Variants in PCDH9 observed in about 807,000 individuals in gnomAD.
PCDH9 encodes the protein protocadherin 9, also known as protocadherin-9.
PCDH9 carries 24 observed loss-of-function variants against 70.6 expected under a neutral mutation model. The observed-to-expected ratio is 0.34, with a 90% confidence interval of 0.25 to 0.48. The LOEUF (loss-of-function observed/expected upper bound fraction) is 0.48, where lower values mean the gene tolerates loss of function less well. Among genes scored for constraint, PCDH9 ranks in the 20% least tolerant of loss-of-function variants. The pLI is 0.99. For synonymous variants in PCDH9, 562 were observed against 558.5 expected (o/e 1.01, Z -0.09); for missense variants, 1,281 against 1,503.6 (o/e 0.85, Z 2.45).
At chr13:66,330,699 G>C (rs896101497) in intron 4 of PCDH9, among the ~76,000 whole-genome samples, 2 of 152,076 alleles carry the variant, frequency 1.3e-5, no homozygotes, top group Non-Finnish European at 2.9e-5. Flanking sequence ...GATCTTACAG[G>C]CTTTTAAGCC....
At chr13:66,805,256 G>C (rs571473926) in intron 3 of PCDH9, among the ~76,000 whole-genome samples, 3 of 152,238 alleles carry the variant, frequency 2.0e-5, no homozygotes, top group African/African-American at 7.2e-5. Context: ...AGGACATGTA[G>C]CAGATCTCTA....
At chr13:67,164,118 T>C (rs980223552) in intron 2 of PCDH9, among the ~76,000 whole-genome samples, 1 of 152,206 alleles carries the variant, frequency 6.6e-6, no homozygotes, top group Non-Finnish European at 1.5e-5. Context: ...CATAATGCAA[T>C]CATAATGCAT....
intron 3 of PCDH9, among the ~76,000 whole-genome samples, chr13:66,659,220 G>C (rs965649176): frequency 6.6e-6 from 1 of 152,130 alleles, no homozygotes; most frequent in Non-Finnish European, 1.5e-5. Flanking sequence ...TAAGCACCAT[G>C]TAGACAAGGT....
At chr13:66,386,280 C>G (rs1199777860) in intron 4 of PCDH9, among the ~76,000 whole-genome samples, 1 of 151,974 alleles carries the variant, frequency 6.6e-6, no homozygotes, top group Non-Finnish European at 1.5e-5. Flanking sequence ...AATGAATTCC[C>G]CTCTCCATTA....
chr13:66,415,164 A>G (rs1957440200), intron 4 of PCDH9, among the ~76,000 whole-genome samples: 1 of 152,180 alleles, frequency 6.6e-6, no homozygotes, highest in Non-Finnish European at 1.5e-5. Flanking sequence ...TAGCATTCTG[A>G]TTAAAGCTAA....
At position 66,867,816 on chromosome 13, in the gene PCDH9, A is replaced by G. The variant is rs1172463928; in HGVS notation, c.3138+35688T>C. 3.9e-5 allele frequency among the ~76,000 whole-genome samples: 6 copies of G among 152,084 alleles called. No individual in the cohort carries two copies. In the East Asian group the frequency reaches 1.2e-3, roughly 29 times the overall value. Reference sequence around the variant, plus strand: ...CCCTACAAGTGTTATGAACTTTTTGAAAAAAATCCTTTTTTTTATCCTTCT... The same window carrying G: ...CCCTACAAGTGTTATGAACTTTTTGGAAAAAATCCTTTTTTTTATCCTTCT... On this transcript the variant is annotated intron_variant, in intron 3 of 4. Coordinates refer to ENST00000377865, the MANE Select transcript of PCDH9 (RefSeq NM_203487.3).
chr13:66,795,622 T>G (rs976658209), intron 3 of PCDH9, among the ~76,000 whole-genome samples: 3 of 152,276 alleles, frequency 2.0e-5, no homozygotes, highest in Non-Finnish European at 4.4e-5. Flanking sequence ...TTTTCTTCTT[T>G]CTATATAAGA....
intron 3 of PCDH9, among the ~76,000 whole-genome samples, chr13:66,858,808 T>C (rs893294309): frequency 6.6e-6 from 1 of 152,142 alleles, no homozygotes; most frequent in African/African-American, 2.4e-5. Flanking sequence ...GACTCCTTGA[T>C]TAGGTAACAA....
intron 3 of PCDH9, among the ~76,000 whole-genome samples, chr13:66,858,240 T>G (rs1327231331): frequency 1.3e-5 from 2 of 152,176 alleles, no homozygotes; most frequent in African/African-American, 2.4e-5. Flanking sequence ...TCCATAAACC[T>G]GATAAAAACA....
intron 2 of PCDH9, among the ~76,000 whole-genome samples, chr13:66,913,107 G>A (rs1342832642): frequency 6.6e-6 from 1 of 152,002 alleles, no homozygotes; most frequent in Non-Finnish European, 1.5e-5. Context: ...TCAAGGCTGT[G>A]TCAGTTATTT....
chr13:66,789,777 A>G (rs1386964424), intron 3 of PCDH9, among the ~76,000 whole-genome samples: 2 of 152,152 alleles, frequency 1.3e-5, no homozygotes, highest in East Asian at 3.9e-4. Context: ...TGTGAAAGGC[A>G]AGCTCCATAA....
chr13:66,333,877 C>T (rs1227753886), intron 4 of PCDH9, among the ~76,000 whole-genome samples: 5 of 151,964 alleles, frequency 3.3e-5, no homozygotes, highest in African/African-American at 1.2e-4. Context: ...ATAAAGGTCC[C>T]TGTGAAGGTA....
intron 3 of PCDH9, among the ~76,000 whole-genome samples, chr13:66,881,401 C>A (rs936966886): frequency 6.6e-6 from 1 of 152,102 alleles, no homozygotes; most frequent in Non-Finnish European, 1.5e-5. Flanking sequence ...TTGTGAAGGG[C>A]AACTCCCACT....
At chr13:66,435,081 A>G (rs1056862419) in intron 4 of PCDH9, among the ~76,000 whole-genome samples, 2 of 152,160 alleles carry the variant, frequency 1.3e-5, no homozygotes, top group African/African-American at 4.8e-5. Context: ...AAAGGGCTTC[A>G]TTAGATGGCT....
At chr13:66,633,427 A>T (rs1251766383) in intron 3 of PCDH9, among the ~76,000 whole-genome samples, 2 of 152,154 alleles carry the variant, frequency 1.3e-5, no homozygotes, top group African/African-American at 4.8e-5. Flanking sequence ...TTACTCTCTT[A>T]TATATATTTA....
chr13:67,043,267 G>T (rs1374426239), intron 2 of PCDH9, among the ~76,000 whole-genome samples: 1 of 152,176 alleles, frequency 6.6e-6, no homozygotes, highest in East Asian at 1.9e-4. Flanking sequence ...AGAGATGAAA[G>T]GCTGAGAGAG....
At chr13:66,820,892 A>T (rs1024994311) in intron 3 of PCDH9, among the ~76,000 whole-genome samples, 15 of 152,166 alleles carry the variant, frequency 9.9e-5, no homozygotes, top group Non-Finnish European at 7.4e-5. Context: ...AATGGGTATT[A>T]GGCTTAATAC....
At chr13:66,409,830 G>A (rs1015833126) in intron 4 of PCDH9, among the ~76,000 whole-genome samples, 2 of 152,284 alleles carry the variant, frequency 1.3e-5, no homozygotes, top group African/African-American at 4.8e-5. Context: ...TAATACGTTA[G>A]CTAGTCCTGC....
intron 2 of PCDH9, among the ~76,000 whole-genome samples, chr13:66,909,033 T>C (rs919567857): frequency 2.6e-5 from 4 of 152,306 alleles, no homozygotes; most frequent in African/African-American, 9.6e-5. Context: ...AAATGTTACC[T>C]GTATCTATAG....
Sources: allele counts gnomAD v4.1 joint callset (sites outside exome capture counted in the v4.1 genomes callset), GRCh38; gene constraint gnomAD v4.1.1; transcripts MANE v1.5; gene names NCBI Gene and HGNC (gene_info 2026-07-23, HGNC 2026-07-21).